The following KIAA1217 variants were observed in gnomAD, a reference collection of about 807,000 sequenced individuals.
KIAA1217 encodes KIAA1217.
Under a neutral mutation model 163.9 loss-of-function variants are expected in KIAA1217, and 88 were observed. The observed-to-expected ratio is 0.54, with a 90% CI of 0.45 to 0.64. The LOEUF (loss-of-function observed/expected upper bound fraction) is 0.64, where lower values mean the gene tolerates loss of function less well. Among genes scored for constraint, KIAA1217 ranks in the 30% least tolerant of loss-of-function variants. KIAA1217 has a pLI of 0.00. For synonymous variants in KIAA1217, 903 were observed against 923.1 expected (o/e 0.98, Z 0.39); for missense variants, 2,372 against 2,475.0 (o/e 0.96, Z 0.88).
chr10:24,429,497 C>A (rs1298808441), intron 3 of KIAA1217, among the ~76,000 whole-genome samples: 3 of 152,086 alleles, frequency 2.0e-5, no homozygotes, highest in African/African-American at 4.8e-5. Context: ...TCTCTTTTCC[C>A]ATCTCTCAGT....
intron 2 of KIAA1217, among the ~76,000 whole-genome samples, chr10:24,358,887 T>C (rs934033106): frequency 6.6e-6 from 1 of 152,116 alleles, no homozygotes; most frequent in Non-Finnish European, 1.5e-5. Context: ...AGTGTACTTG[T>C]TTTGTTTTTT....
chr10:24,342,815 C>T lies in KIAA1217; in HGVS notation c.355-38054C>T, dbSNP rs559138261. On this transcript the variant is annotated intron_variant, in intron 2 of 20. Coordinates refer to ENST00000376454, the MANE Select transcript of KIAA1217 (RefSeq NM_019590.5). ...CTGGGACTACAGATGCATGCCACCA[C>T]ATCCGGCTGATTTTTTATTTTTAGT... Among the ~76,000 whole-genome samples the T allele has an allele frequency of 7.2e-5, 11 of 152,126 alleles. No homozygotes were observed. In the South Asian group the frequency reaches 1.5e-3, roughly 20 times the overall value.
intron 1 of KIAA1217, among the ~76,000 whole-genome samples, chr10:23,990,134 G>A (rs1296735694): frequency 1.3e-5 from 2 of 152,206 alleles, no homozygotes; most frequent in Non-Finnish European, 2.9e-5. Flanking sequence ...GGAGTTGGGT[G>A]TGTTGCAAAA....
intron 2 of KIAA1217, among the ~76,000 whole-genome samples, chr10:24,267,348 A>G (rs1302075022): frequency 2.0e-5 from 3 of 152,240 alleles, no homozygotes; most frequent in Admixed American, 2.0e-4. Context: ...TTCTATCAGG[A>G]ATATGGGTAA....
intron 2 of KIAA1217, among the ~76,000 whole-genome samples, chr10:24,344,985 T>C (rs1203029736): frequency 6.6e-6 from 1 of 152,160 alleles, no homozygotes; most frequent in Non-Finnish European, 1.5e-5. Context: ...GGCAATTTGG[T>C]TGCTTCTGTT....
chr10:23,938,220 G>T (rs957877339), intron 1 of KIAA1217, among the ~76,000 whole-genome samples: 1 of 152,130 alleles, frequency 6.6e-6, no homozygotes, highest in African/African-American at 2.4e-5. Context: ...AGGCAAAATA[G>T]GAATGTGTCA....
intron 2 of KIAA1217, among the ~76,000 whole-genome samples, chr10:24,016,044 AT>A (rs1169304236): frequency 6.6e-6 from 1 of 152,116 alleles, no homozygotes; most frequent in Non-Finnish European, 1.5e-5. Flanking sequence ...ATAAGGTACC[AT>A]TTGACACCTT....
chr10:24,096,019 G>A (rs564954778), intron 2 of KIAA1217, among the ~76,000 whole-genome samples: 5 of 152,332 alleles, frequency 3.3e-5, no homozygotes, highest in Admixed American at 2.6e-4. Flanking sequence ...GAGACAGAAA[G>A]ATCGCTTGAG....
intron 1 of KIAA1217, among the ~76,000 whole-genome samples, chr10:23,984,269 ATC>A (rs1323800730): frequency 2.0e-5 from 3 of 152,178 alleles, no homozygotes; most frequent in African/African-American, 7.2e-5. Flanking sequence ...CTAAGAAGTT[ATC>A]TCTGTCTATT....
chr10:23,919,371 C>T (rs925138251), intron 1 of KIAA1217, among the ~76,000 whole-genome samples: 4 of 151,744 alleles, frequency 2.6e-5, no homozygotes, highest in Admixed American at 6.6e-5. Flanking sequence ...TTTGGGAGGC[C>T]GAGGCAGGTG....
intron 2 of KIAA1217, among the ~76,000 whole-genome samples, chr10:24,258,587 T>G (rs1590291546): frequency 7.4e-6 from 1 of 134,332 alleles, no homozygotes; most frequent in East Asian, 2.1e-4. Context: ...GGCTTACTTC[T>G]TTTTTTTTTT....
At chr10:24,495,071 G>A (rs2066617714) in intron 7 of KIAA1217, 76 bp from the exon 8 acceptor site, 2 of 1,213,498 alleles carry the variant, frequency 1.6e-6, no homozygotes, top group African/African-American at 3.2e-5. Context: ...TCAAATAGTG[G>A]ATGGAATGGG....
At chr10:24,318,592 C>G in intron 2 of KIAA1217, among the ~76,000 whole-genome samples, 1 of 152,238 alleles carries the variant, frequency 6.6e-6, no homozygotes, top group Admixed American at 6.5e-5. Flanking sequence ...CACACGTATA[C>G]GCACACCTCC....
chr10:23,717,176 T>A (rs16923696), intron 1 of KIAA1217, among the ~76,000 whole-genome samples: 7,511 of 152,242 alleles, frequency 0.049, 630 homozygotes, highest in African/African-American at 0.17. Flanking sequence ...TCTCTAGGTT[T>A]CCGTGAACTT....
chr10:24,114,923 T>C (rs1371453946), intron 2 of KIAA1217, among the ~76,000 whole-genome samples: 1 of 152,172 alleles, frequency 6.6e-6, no homozygotes, highest in Non-Finnish European at 1.5e-5. Flanking sequence ...TTCCATCCTA[T>C]CTCTGTCTTT....
intron 2 of KIAA1217, among the ~76,000 whole-genome samples, chr10:24,270,259 T>A (rs112686872): frequency 8.5e-5 from 13 of 152,378 alleles, no homozygotes; most frequent in African/African-American, 2.9e-4. Flanking sequence ...AGAGTCAGTT[T>A]GGTCACTGAA....
At chr10:24,074,452 C>T (rs1444567193) in intron 2 of KIAA1217, among the ~76,000 whole-genome samples, 1 of 152,040 alleles carries the variant, frequency 6.6e-6, no homozygotes, top group Non-Finnish European at 1.5e-5. Flanking sequence ...CCATATTAAC[C>T]TCTATTACCC....
intron 1 of KIAA1217, among the ~76,000 whole-genome samples, chr10:23,778,738 T>C (rs1038183926): frequency 6.6e-6 from 1 of 152,220 alleles, no homozygotes; most frequent in Admixed American, 6.5e-5. Context: ...GATAGCAATG[T>C]GTCTTCCTGC....
At chr10:24,111,139 T>G (rs1232017525) in intron 2 of KIAA1217, among the ~76,000 whole-genome samples, 1 of 152,194 alleles carries the variant, frequency 6.6e-6, no homozygotes, top group Non-Finnish European at 1.5e-5. Context: ...ACATAAACTT[T>G]ATTGCTGTCT....
Sources: gnomAD v4.1 joint callset for allele counts (sites outside exome capture counted in the v4.1 genomes callset) on GRCh38, gnomAD v4.1.1 for gene constraint, MANE v1.5 for transcripts, NCBI Gene and HGNC (gene_info 2026-07-23, HGNC 2026-07-21) for gene names.